PEX7: variants seen among roughly 807,000 people sequenced by gnomAD.
PEX7 encodes PTS2 receptor.
Under a neutral mutation model 47.5 loss-of-function variants are expected in PEX7, and 34 were observed. The ratio of observed to expected loss-of-function variants is 0.72; its 90% CI spans 0.54 to 0.95. The LOEUF (loss-of-function observed/expected upper bound fraction) is 0.95, where lower values mean the gene tolerates loss of function less well. Ranked by LOEUF, PEX7 falls within the 40% of genes least tolerant of loss-of-function variation. The pLI is 0.00. For missense variants in PEX7, 394 were observed against 400.3 expected, an observed-to-expected ratio of 0.98 and a Z score of 0.13; for synonymous variants, 141 against 148.8, an observed-to-expected ratio of 0.95 and a Z score of 0.38.
chr6:136,868,425 T>C (rs1775112819), intron 6 of PEX7, among the ~76,000 whole-genome samples: 2 of 152,152 alleles, frequency 1.3e-5, no homozygotes, highest in Non-Finnish European at 2.9e-5. Flanking sequence ...ATAAGTAAAA[T>C]AAGTTAAAAT....
chr6:136,886,103 T>C (rs1775463866), intron 8 of PEX7, among the ~76,000 whole-genome samples: 1 of 152,172 alleles, frequency 6.6e-6, no homozygotes, highest in Non-Finnish European at 1.5e-5. Flanking sequence ...GCTCTAGTCT[T>C]CAAGAGTGAG....
intron 3 of PEX7, among the ~76,000 whole-genome samples, chr6:136,836,260 A>T (rs1215963004): frequency 6.6e-6 from 1 of 152,034 alleles, no homozygotes; most frequent in African/African-American, 2.4e-5. Context: ...ATATATATTT[A>T]ACTATAGCTG....
At position 136,822,795 on chromosome 6, in the gene PEX7, G is replaced by C; in HGVS notation, c.130G>C (p.Gly44Arg). ...CATAQHYGIAGCGTLLILDPD... is the reference protein window; with the variant it reads ...CATAQHYGIARCGTLLILDPD... ...CACCGCGCAGCACTACGGCATCGCG[G>C]GTGAGGCGGCGCCGCGCAGCTGGGG... Residue 44 changes from glycine to arginine, a missense_variant and splice_region_variant, in exon 1 of 10, where the codon GGC (glycine) becomes CGC (arginine). By Grantham distance (125) the Gly-to-Arg change is moderately radical. Coordinates refer to ENST00000318471, the MANE Select transcript of PEX7 (RefSeq NM_000288.4). The C allele has an allele frequency of 7.6e-7, 1 of 1,317,960 alleles. No individual in the cohort carries two copies. Among genetic ancestry groups the C allele is most frequent in the Non-Finnish European group, 9.6e-7 (1 of 1,039,394 alleles). 81.6% of individuals were successfully genotyped at this position (1,317,960 alleles called of 1,614,324 possible). A position where few individuals can be genotyped will look rare whatever the true frequency, so the allele number is the denominator to read the frequency against.
At chr6:136,865,069 A>G (rs1775034873) in intron 5 of PEX7, among the ~76,000 whole-genome samples, 1 of 152,226 alleles carries the variant, frequency 6.6e-6, no homozygotes, top group Admixed American at 6.5e-5. Flanking sequence ...CTGGAGGCAA[A>G]CAACATGTAA....
At chr6:136,883,471 T>G (rs1267867046) in intron 8 of PEX7, among the ~76,000 whole-genome samples, 3 of 152,230 alleles carry the variant, frequency 2.0e-5, no homozygotes, top group African/African-American at 7.2e-5. Flanking sequence ...CCTTCCCTTC[T>G]GGAAACTCCT....
At chr6:136,865,904 G>A (rs952767401) in intron 5 of PEX7, among the ~76,000 whole-genome samples, 2 of 151,230 alleles carry the variant, frequency 1.3e-5, no homozygotes, top group African/African-American at 2.4e-5. Context: ...CCAACATGGC[G>A]AAACCCCGTC....
intron 8 of PEX7, among the ~76,000 whole-genome samples, chr6:136,884,622 T>C (rs1775436062): frequency 1.1e-5 from 1 of 88,536 alleles, no homozygotes; most frequent in Admixed American, 1.1e-4. Flanking sequence ...GTTTCATATT[T>C]CTATTTGAAA....
At chr6:136,823,077 C>T in intron 1 of PEX7, 1 of 985,440 alleles carries the variant, frequency 1.0e-6, no homozygotes, top group South Asian at 4.7e-5. Context: ...GCCTCCGCCA[C>T]GTGTCACACG....
chr6:136,900,522 C>T lies in PEX7; in HGVS notation c.903+2281C>T, dbSNP rs1335548662. ...CATTGTAATTGGTCCTGATAGCTTC[C>T]ACCATCTTAGCCAAAGCCCTTTTGT... On this transcript the variant is annotated intron_variant, in intron 9 of 9. Coordinates refer to ENST00000318471, the MANE Select transcript of PEX7 (RefSeq NM_000288.4). This position sits in a 1 kb window ranked among gnomAD's most constrained non-coding sequence, Gnocchi z 4.2. 2 of 473,276 alleles carry T rather than the reference C, an allele frequency of 4.2e-6. No homozygotes were observed. The highest frequency in any genetic ancestry group is 8.4e-6 in the Non-Finnish European group (2 of 237,652). The allele number at this position is 473,276 out of a possible 1,614,324, so 29.3% of individuals were successfully genotyped here. A position where few individuals can be genotyped will look rare whatever the true frequency, so the allele number is the denominator to read the frequency against.
chr6:136,872,178 T>C lies in PEX7; in HGVS notation c.748-20T>C. The C allele has an allele frequency of 6.2e-7, 1 of 1,603,274 alleles. No individual in the cohort carries two copies. The highest frequency in any genetic ancestry group is 8.5e-7 in the Non-Finnish European group (1 of 1,176,900). On this transcript the variant is annotated intron_variant, in intron 7 of 9. Coordinates refer to ENST00000318471, the MANE Select transcript of PEX7 (RefSeq NM_000288.4). ...CAGCTGACTTCAAAAAGGGTTTTTTTTTTCTTTTTTTTTTTGTAGTTTTCA... is the reference window on the plus strand; with the variant it reads ...CAGCTGACTTCAAAAAGGGTTTTTTCTTTCTTTTTTTTTTTGTAGTTTTCA...
intron 8 of PEX7, among the ~76,000 whole-genome samples, chr6:136,897,306 A>C (rs1283390264): frequency 6.6e-6 from 1 of 152,194 alleles, no homozygotes; most frequent in Non-Finnish European, 1.5e-5. Flanking sequence ...TGACTCTGTG[A>C]TCCTGAATGT....
Position 136,847,452 on chromosome 6 carries a change from T to A in PEX7, c.526+1271T>A, listed in dbSNP as rs562232039. 3.3e-5 allele frequency among the ~76,000 whole-genome samples: 5 copies of A among 152,142 alleles called. No individual in the cohort carries two copies. The East Asian group carries it at 7.7e-4, about 23-fold the overall frequency. ...TGTCCTGAATGGTATTGCCTAGGTT[T>A]TCTTCTAGGGTTTTTATGGTTTTAG... is the stretch of plus-strand genomic sequence containing the variant. On this transcript the variant is annotated intron_variant, in intron 5 of 9. Coordinates refer to ENST00000318471, the MANE Select transcript of PEX7 (RefSeq NM_000288.4).
chr6:136,844,265 G>A (rs1253063866), intron 3 of PEX7, among the ~76,000 whole-genome samples: 1 of 152,162 alleles, frequency 6.6e-6, no homozygotes, highest in Non-Finnish European at 1.5e-5. Flanking sequence ...CTACTTAGGA[G>A]GCTGAGGTGT....
intron 8 of PEX7, among the ~76,000 whole-genome samples, chr6:136,885,904 C>T (rs890095625): frequency 3.3e-5 from 5 of 152,180 alleles, no homozygotes; most frequent in African/African-American, 1.2e-4. Flanking sequence ...GGCTCAGTTT[C>T]CCCATCCCTG....
chr6:136,824,503 T>C (rs970100342), intron 1 of PEX7, among the ~76,000 whole-genome samples: 2 of 152,152 alleles, frequency 1.3e-5, no homozygotes, highest in Non-Finnish European at 2.9e-5. Flanking sequence ...GTGACTGGCC[T>C]GTAATGCTAC....
intron 9 of PEX7, among the ~76,000 whole-genome samples, chr6:136,908,408 C>T (rs1367714012): frequency 2.6e-5 from 4 of 152,058 alleles, no homozygotes; most frequent in Non-Finnish European, 5.9e-5. Flanking sequence ...TCAAATTTTA[C>T]ATTAAGAAAT....
At chr6:136,852,101 C>T (rs1327199649) in intron 5 of PEX7, among the ~76,000 whole-genome samples, 2 of 127,562 alleles carry the variant, frequency 1.6e-5, no homozygotes, top group Non-Finnish European at 3.3e-5. Flanking sequence ...AATGGTAATG[C>T]CTAGGTTTTC....
chr6:136,881,502 A>G (rs1775375896), intron 8 of PEX7, among the ~76,000 whole-genome samples: 1 of 152,198 alleles, frequency 6.6e-6, no homozygotes, highest in Non-Finnish European at 1.5e-5. Context: ...TATTCTTAAC[A>G]GTTTTAATTG....
At chr6:136,847,657 A>G (rs1439985357) in intron 5 of PEX7, among the ~76,000 whole-genome samples, 1 of 151,766 alleles carries the variant, frequency 6.6e-6, no homozygotes, top group Non-Finnish European at 1.5e-5. Context: ...ATAGTTGTAG[A>G]TATGCGGCAT....
Sources: allele counts gnomAD v4.1 joint callset (sites outside exome capture counted in the v4.1 genomes callset), GRCh38; gene constraint gnomAD v4.1.1; non-coding constraint Gnocchi (gnomAD v3.1); transcripts MANE v1.5; gene names NCBI Gene and HGNC (gene_info 2026-07-23, HGNC 2026-07-21).